Variants in SIN3B observed in about 807,000 individuals in gnomAD.
SIN3B encodes paired amphipathic helix protein Sin3b.
Under a neutral mutation model 120.2 loss-of-function variants are expected in SIN3B, and 19 were observed. The ratio of observed to expected loss-of-function variants is 0.16; its 90% CI spans 0.11 to 0.23. The LOEUF is 0.23. Among genes scored for constraint, SIN3B ranks in the 10% least tolerant of loss-of-function variants. The pLI, the probability that SIN3B is intolerant of heterozygous loss-of-function variation, is 1.00. For synonymous variants in SIN3B, 654 were observed against 653.2 expected (o/e 1.00, Z -0.02); for missense variants, 1,073 against 1,573.0 (o/e 0.68, Z 5.38).
rs768589092 is a variant in SIN3B, at chr19:16,878,514, G to T, written c.3180G>T (p.Leu1060=). 1.9e-6 allele frequency: 3 copies of T among 1,579,204 alleles called. No individual in the cohort carries two copies. In the South Asian group the frequency reaches 3.5e-5, roughly 18 times the overall value. The change falls in exon 19 of 19, where the codon CTG becomes CTT. Residue 1060 remains leucine, a synonymous_variant. Transcript: ENST00000248054. ...TTCAACAGGTGCAGCCCCTGGTCCT[G>T]CTCCGCCACCACCAGCACTTTGAGG... ...CRAKQVQPLV[L]LRHHQHFEEW...
intron 8 of SIN3B, among the ~76,000 whole-genome samples, chr19:16,860,938 C>T (rs767895564): frequency 1.4e-4 from 22 of 152,100 alleles, no homozygotes; most frequent in East Asian, 1.9e-4. Context: ...TGCTTAGAGA[C>T]GGGGTCCTGC....
At position 16,879,037 on chromosome 19, in the gene SIN3B, G is replaced by A. The variant is rs953997036; in HGVS notation, c.*310G>A. The stretch of plus-strand genomic sequence containing the variant: ...CGTCCGTCACATGTGCCAAATCCCT[G>A]GCAGGCAGATGGCTCCTGCCCCATA... On this transcript the variant is annotated 3_prime_UTR_variant, in exon 19 of 19. Coordinates refer to ENST00000248054, the MANE Select transcript of SIN3B (RefSeq NM_001297595.2). 1 of 451,372 alleles carries A rather than the reference G, an allele frequency of 2.2e-6. No individual in the cohort carries two copies. The highest frequency in any genetic ancestry group is 2.0e-5 in the African/African-American group (1 of 49,564). The allele number at this position is 451,372 out of a possible 1,614,324, so 28.0% of individuals were successfully genotyped here.
chr19:16,863,114 A>G (rs979564285), intron 9 of SIN3B: 1 of 681,296 alleles, frequency 1.5e-6, no homozygotes, highest in African/African-American at 1.8e-5. Flanking sequence ...AGAGTTGAGT[A>G]TTCATCTGGG....
Position 16,862,375 on chromosome 19 carries a change from A to G in SIN3B, c.1082A>G (p.Gln361Arg), listed in dbSNP as rs1444331011. ...AGGAAATTTCCAGAACTCTTTGCAC[A>G]GTTCAAGTCCTTCCTGGGGGTAAAA... ...FLGKFPELFA[Q>R]FKSFLGVKEL... Residue 361 changes from glutamine to arginine, a missense_variant, in exon 9 of 19, where the codon CAG (glutamine) becomes CGG (arginine). This residue lies in a region of SIN3B where 395 missense variants were observed against 528.0 expected (regional missense o/e 0.75). Coordinates refer to ENST00000248054, the MANE Select transcript of SIN3B (RefSeq NM_001297595.2). The surrounding 1 kb of genome is among the most constrained non-coding windows in gnomAD (Gnocchi z 4.7). The G allele has an allele frequency of 6.2e-7, 1 of 1,614,026 alleles. No individual in the cohort carries two copies. The highest frequency in any genetic ancestry group is 8.5e-7 in the Non-Finnish European group (1 of 1,179,852).
chr19:16,876,352 G>GCAT lies in SIN3B; in HGVS notation c.2766+124_2766+125insCAT. On this transcript the variant is annotated intron_variant, in intron 15 of 18. Transcript: ENST00000248054. This position sits in a 1 kb window ranked among gnomAD's most constrained non-coding sequence, Gnocchi z 7.1. Reference sequence around the variant, plus strand: ...ACCGGCCCTGCTGCAGAGCCCATGAGGTACCTTTGACCTGCAGGAAGCATC... The same window carrying GCAT: ...ACCGGCCCTGCTGCAGAGCCCATGAGCATGTACCTTTGACCTGCAGGAAGCATC... 1 of 1,394,398 alleles carries GCAT rather than the reference G, an allele frequency of 7.2e-7. No individual in the cohort carries two copies. The highest frequency in any genetic ancestry group is 9.8e-7 in the Non-Finnish European group (1 of 1,020,346). 86.4% of individuals were successfully genotyped at this position (1,394,398 alleles called of 1,614,324 possible). A position where few individuals can be genotyped will look rare whatever the true frequency, so the allele number is the denominator to read the frequency against.
chr19:16,848,424 A>G (rs1436724887), intron 5 of SIN3B, among the ~76,000 whole-genome samples: 69 of 126,172 alleles, frequency 5.5e-4, no homozygotes, highest in Non-Finnish European at 7.7e-4. Context: ...GTTCTTTTCC[A>G]GGTTTTTTTT....
intron 2 of SIN3B, 55 bp downstream of exon 2, chr19:16,829,952 C>T: frequency 3.8e-6 from 5 of 1,313,850 alleles, no homozygotes; most frequent in East Asian, 2.3e-5. Flanking sequence ...GGAATCGGGC[C>T]TAGCGGGGTG....
intron 3 of SIN3B, among the ~76,000 whole-genome samples, chr19:16,839,951 C>T (rs993258906): frequency 1.3e-5 from 2 of 152,082 alleles, no homozygotes; most frequent in African/African-American, 4.8e-5. Flanking sequence ...TTGCAGTGAG[C>T]CGGGATCATA....
chr19:16,848,080 G>T (rs1379016813), intron 5 of SIN3B, among the ~76,000 whole-genome samples: 1 of 152,218 alleles, frequency 6.6e-6, no homozygotes, highest in African/African-American at 2.4e-5. Flanking sequence ...CCGTGGATCA[G>T]TGCTCATTCC....
At position 16,869,877 on chromosome 19, in the gene SIN3B, C is replaced by A. The variant is rs773641631; in HGVS notation, c.2224C>A (p.Leu742Ile). 6.2e-7 allele frequency: 1 copy of A among 1,614,258 alleles called. No homozygotes were observed. Among genetic ancestry groups the A allele is most frequent in the Admixed American group, 1.7e-5 (1 of 60,032 alleles). Residue 742 changes from leucine to isoleucine, a missense_variant, in exon 13 of 19, where the codon CTA (leucine) becomes ATA (isoleucine). Coordinates refer to ENST00000248054, the MANE Select transcript of SIN3B (RefSeq NM_001297595.2). ...CAAGCCCCTGGACGATGTCTACAGC[C>A]TATTTTTTGCCAACAACAACTGGTA... The part of the protein sequence containing the change: ...PHKPLDDVYS[L>I]FFANNNWYFF...
At chr19:16,868,776 A>G (rs1049154070) in intron 12 of SIN3B, among the ~76,000 whole-genome samples, 3 of 151,980 alleles carry the variant, frequency 2.0e-5, no homozygotes, top group African/African-American at 7.3e-5. Context: ...CCCAGTGAGG[A>G]GAGTGGTTGG....
chr19:16,863,824 C>G, intron 10 of SIN3B, 28 bp downstream of exon 10: 1 of 1,514,716 alleles, frequency 6.6e-7, no homozygotes, highest in Non-Finnish European at 9.2e-7. Flanking sequence ...GCCGGGTCCC[C>G]CGGCATGTGC....
chr19:16,851,107 C>T (rs540339882), intron 5 of SIN3B, among the ~76,000 whole-genome samples: 4 of 152,228 alleles, frequency 2.6e-5, no homozygotes, highest in Non-Finnish European at 4.4e-5. Context: ...CATGAGCCCC[C>T]GCACGGGAAG....
In SIN3B at chr19:16,836,552, T is replaced by C. The variant is rs181494417; in HGVS notation, c.381+4905T>C. Among the ~76,000 whole-genome samples the C allele has an allele frequency of 6.6e-5, 10 of 152,344 alleles. No individual in the cohort carries two copies. The East Asian group carries it at 1.9e-3, about 29-fold the overall frequency. On this transcript the variant is annotated intron_variant, in intron 3 of 18. Coordinates refer to ENST00000248054, the MANE Select transcript of SIN3B (RefSeq NM_001297595.2). ...AAGTTCAGAATGCATTGTTTCTTAT[T>C]GGTTTTCCTTCCTTGGTTGACGGTG... is the stretch of plus-strand genomic sequence containing the variant.
At chr19:16,842,895 G>C (rs2144584840) in intron 4 of SIN3B, among the ~76,000 whole-genome samples, 1 of 152,318 alleles carries the variant, frequency 6.6e-6, no homozygotes, top group East Asian at 1.9e-4. Flanking sequence ...TGGAGGAAGG[G>C]TGGACATTCT....
At chr19:16,835,932 C>T (rs1041172458) in intron 3 of SIN3B, among the ~76,000 whole-genome samples, 1 of 152,168 alleles carries the variant, frequency 6.6e-6, no homozygotes, top group East Asian at 1.9e-4. Context: ...TGACCCACCA[C>T]GCCTGGCCAG....
intron 8 of SIN3B, among the ~76,000 whole-genome samples, chr19:16,858,532 T>G (rs2144604312): frequency 6.6e-6 from 1 of 152,248 alleles, no homozygotes; most frequent in African/African-American, 2.4e-5. Context: ...GGACTTAAAA[T>G]ATATTTGATG....
At chr19:16,860,089 A>G (rs185587866) in intron 8 of SIN3B, among the ~76,000 whole-genome samples, 113 of 152,346 alleles carry the variant, frequency 7.4e-4, no homozygotes, top group African/African-American at 2.6e-3. Context: ...ATGTTTCAGC[A>G]GTAGAGACTC....
In SIN3B at chr19:16,872,054, G is replaced by A. The variant is rs888825429; in HGVS notation, c.2592+656G>A. On this transcript the variant is annotated intron_variant, in intron 14 of 18. Coordinates refer to ENST00000248054, the MANE Select transcript of SIN3B (RefSeq NM_001297595.2). ...ATGTCAACACAAGGAAACTGGTCAC[G>A]TAAATATAAACAGCAGACGTCCCAG... 3.3e-5 allele frequency among the ~76,000 whole-genome samples: 5 copies of A among 152,156 alleles called. No homozygotes were observed. In the South Asian group the frequency reaches 6.2e-4, roughly 19 times the overall value.
Sources: gnomAD v4.1 joint callset for allele counts (sites outside exome capture counted in the v4.1 genomes callset) on GRCh38, gnomAD v4.1.1 for gene constraint, gnomAD v4.1.1 regional missense constraint, Gnocchi (gnomAD v3.1) non-coding constraint, MANE v1.5 for transcripts, NCBI Gene and HGNC (gene_info 2026-07-23, HGNC 2026-07-21) for gene names.